CAND2: variants seen among roughly 807,000 people sequenced by gnomAD.
The protein encoded by CAND2 is cullin-associated NEDD8-dissociated protein 2.
In CAND2, 62 loss-of-function variants were observed where a neutral mutation model predicts 98.9. The ratio of observed to expected loss-of-function variants is 0.63; its 90% CI spans 0.51 to 0.77. The LOEUF (loss-of-function observed/expected upper bound fraction) is 0.77, where lower values mean the gene tolerates loss of function less well. Among genes scored for constraint, CAND2 ranks in the 30% least tolerant of loss-of-function variants. The probability of loss-of-function intolerance (pLI) is 0.00; values close to 1 mark genes in which losing one functional copy is unlikely to be tolerated. For missense variants in CAND2, 1,501 were observed against 1,655.2 expected (o/e 0.91, Z 1.62); for synonymous variants, 770 against 731.9 (o/e 1.05, Z -0.84).
chr3:12,801,094 G>T (rs1350280227), intron 1 of CAND2, among the ~76,000 whole-genome samples: 1 of 145,580 alleles, frequency 6.9e-6, no homozygotes, highest in Admixed American at 7.0e-5. Flanking sequence ...CTGGAGTGCA[G>T]TGGCACGATC....
intron 1 of CAND2, among the ~76,000 whole-genome samples, chr3:12,798,575 G>T (rs1380317412): frequency 6.6e-6 from 1 of 152,122 alleles, no homozygotes; most frequent in Non-Finnish European, 1.5e-5. Flanking sequence ...TTTTCCGGAG[G>T]CTTGGAGGAG....
At chr3:12,802,772 C>G (rs2061775714) in intron 1 of CAND2, among the ~76,000 whole-genome samples, 1 of 152,120 alleles carries the variant, frequency 6.6e-6, no homozygotes, top group South Asian at 2.1e-4. Flanking sequence ...TTGTGTGAAC[C>G]TCATAGAGTG....
At chr3:12,825,852 T>A (rs369601916) in intron 12 of CAND2, among the ~76,000 whole-genome samples, 1 of 152,234 alleles carries the variant, frequency 6.6e-6, no homozygotes, top group South Asian at 2.1e-4. Context: ...AGGGTGCTAA[T>A]TGTGTCTGCG....
At chr3:12,821,095 A>G (rs4378945) in intron 11 of CAND2, among the ~76,000 whole-genome samples, 111,037 of 151,706 alleles carry the variant, frequency 0.73, 41,775 homozygotes, top group African/African-American at 0.92. Flanking sequence ...TGAGCCGGGT[A>G]TGATGGCAGG....
intron 13 of CAND2, among the ~76,000 whole-genome samples, chr3:12,828,706 C>T (rs765129703): frequency 3.3e-5 from 5 of 152,170 alleles, no homozygotes; most frequent in Admixed American, 1.3e-4. Context: ...GCGGTGCAGC[C>T]GTCACCACTG....
Position 12,827,730 on chromosome 3 carries a change from GT to G in CAND2, c.3375+130del, listed in dbSNP as rs369607142. ...ACCCAATGAAAATAGCTGCATTGTT[GT>G]TTTCTGATAAGAAAAGGAACCTGTG... On this transcript the variant is annotated intron_variant, in intron 13 of 14. Coordinates refer to ENST00000456430, the MANE Select transcript of CAND2 (RefSeq NM_001162499.2). The G allele has an allele frequency of 1.6e-3, 1,421 of 911,816 alleles. 13 individuals carry two copies. In the African/African-American group the frequency reaches 0.018, roughly 12 times the overall value. The allele number at this position is 911,816 out of a possible 1,614,324, so 56.5% of individuals were successfully genotyped here. A position where few individuals can be genotyped will look rare whatever the true frequency, so the allele number is the denominator to read the frequency against.
At position 12,810,281 on chromosome 3, in the gene CAND2, C is replaced by T. The variant is rs755723576; in HGVS notation, c.714C>T (p.Ile238=). The part of the protein sequence containing the change: ...PTSPTAIRTL[I]QCLGSVGRQA... The stretch of plus-strand genomic sequence containing the variant: ...GCCCGACTGCCATCCGCACCCTGAT[C>T]CAATGTTTGGGCAGCGTCGGCCGCC... The change falls in exon 5 of 15, where the codon ATC becomes ATT. Residue 238 remains isoleucine (I), a synonymous_variant. Coordinates refer to ENST00000456430, the MANE Select transcript of CAND2 (RefSeq NM_001162499.2). The T allele has an allele frequency of 1.1e-5, 17 of 1,494,586 alleles. No individual in the cohort carries two copies. The highest frequency in any genetic ancestry group is 2.2e-5 in the Admixed American group (1 of 45,142). 92.6% of individuals were successfully genotyped at this position (1,494,586 alleles called of 1,614,324 possible). A position where few individuals can be genotyped will look rare whatever the true frequency, so the allele number is the denominator to read the frequency against.
Position 12,815,093 on chromosome 3 carries a change from C to G in CAND2, c.1007-48C>G. ...TGTCCCTTCTCCCCCGAGCCACAGACCTGTCCTGGGAGATGAGGGTTCCAC... is the reference window on the plus strand; with the variant it reads ...TGTCCCTTCTCCCCCGAGCCACAGAGCTGTCCTGGGAGATGAGGGTTCCAC... On this transcript the variant is annotated intron_variant, in intron 7 of 14. Transcript: ENST00000456430. The surrounding 1 kb of genome is among the most constrained non-coding windows in gnomAD (Gnocchi z 5.7). 7 of 1,559,858 alleles carry G rather than the reference C, an allele frequency of 4.5e-6. No homozygotes were observed. Among genetic ancestry groups the G allele is most frequent in the Non-Finnish European group, 5.2e-6 (6 of 1,145,594 alleles).
chr3:12,833,524 A>T (rs182121021), intron 14 of CAND2, among the ~76,000 whole-genome samples: 225 of 152,296 alleles, frequency 1.5e-3, no homozygotes, highest in African/African-American at 5.3e-3. Flanking sequence ...CTCAGGCTGT[A>T]CTCAAGCTGA....
chr3:12,797,182 CCCA>C (rs1207054113), intron 1 of CAND2, among the ~76,000 whole-genome samples: 2 of 148,102 alleles, frequency 1.4e-5, no homozygotes, highest in Non-Finnish European at 3.0e-5. Flanking sequence ...CCCCCCCGCC[CCCA>C]CCACCTTCAG....
rs546530752 is a variant in CAND2 at position 12,816,837 on chromosome 3, G to A, written c.1905G>A (p.Thr635=). Residue 635 remains threonine, a synonymous_variant, in exon 10 of 15, where the codon ACG becomes ACA. Coordinates refer to ENST00000456430, the MANE Select transcript of CAND2 (RefSeq NM_001162499.2). ...GGCTGCCCGCCATCAAGGCGCTTAC[G>A]CTGGTGGCCGTATCCCCACTACAGC... ...ITRLPAIKAL[T]LVAVSPLQLD... 2.0e-5 allele frequency: 33 copies of A among 1,613,762 alleles called. No individual in the cohort carries two copies. The highest frequency in any genetic ancestry group is 3.3e-5 in the Admixed American group (2 of 60,032).
chr3:12,803,749 T>TC, intron 2 of CAND2, 118 bp downstream of exon 2: 1 of 848,006 alleles, frequency 1.2e-6, no homozygotes, highest in African/African-American at 1.7e-5. Context: ...GCAGCTCTCG[T>TC]TGAATGGTAC....
At chr3:12,811,937 T>C (rs2061854589) in intron 5 of CAND2, among the ~76,000 whole-genome samples, 1 of 149,656 alleles carries the variant, frequency 6.7e-6, no homozygotes, top group Non-Finnish European at 1.5e-5. Flanking sequence ...CTGAGTCTCG[T>C]GTCTTGCTCT....
chr3:12,817,008 G>A lies in CAND2; in HGVS notation c.2076G>A (p.Val692=), dbSNP rs760477255. Residue 692 remains valine, a synonymous_variant, in exon 10 of 15, where the codon GTG becomes GTA. Coordinates refer to ENST00000456430, the MANE Select transcript of CAND2 (RefSeq NM_001162499.2). ...SQGLSLPPSA[V]QAVLAELPAL... Reference sequence around the variant, plus strand: ...GCCTCAGCCTCCCACCGTCTGCCGTGCAGGCCGTGCTGGCTGAGCTGCCTG... The same window carrying A: ...GCCTCAGCCTCCCACCGTCTGCCGTACAGGCCGTGCTGGCTGAGCTGCCTG... The A allele has an allele frequency of 6.2e-7, 1 of 1,612,940 alleles. No homozygotes were observed. The highest frequency in any genetic ancestry group is 8.5e-7 in the Non-Finnish European group (1 of 1,179,922).
At chr3:12,833,394 T>A (rs1334058625) in intron 14 of CAND2, among the ~76,000 whole-genome samples, 2 of 152,156 alleles carry the variant, frequency 1.3e-5, no homozygotes, top group Non-Finnish European at 2.9e-5. Flanking sequence ...AGAGCTGGTT[T>A]TAAGCACAGC....
intron 7 of CAND2, among the ~76,000 whole-genome samples, chr3:12,814,394 A>C (rs1383375409): frequency 1.3e-5 from 2 of 152,090 alleles, no homozygotes; most frequent in Non-Finnish European, 2.9e-5. Flanking sequence ...GTGCCCTGAG[A>C]GTCTCACCCG....
chr3:12,826,531 G>A (rs939821311), intron 12 of CAND2, among the ~76,000 whole-genome samples: 2 of 151,330 alleles, frequency 1.3e-5, no homozygotes, highest in Non-Finnish European at 2.9e-5. Flanking sequence ...GGGCTCAAGC[G>A]ATCCTCCCAC....
rs769074929 is a variant in CAND2, at chr3:12,817,849, C to T, written c.2917C>T (p.Pro973Ser). Reference protein sequence around the residue: ...LVLVNPSFLLPRLRKQLAAGR... With the variant: ...LVLVNPSFLLSRLRKQLAAGR... The stretch of plus-strand genomic sequence containing the variant: ...CCTTGTGAACCCTTCGTTCCTTCTG[C>T]CCCGCTTGCGGAAGCAGCTTGCTGC... Residue 973 changes from proline (P) to serine (S), a missense_variant, in exon 10 of 15, where the codon CCC (proline) becomes TCC (serine). Around this residue, in one of 3 missense-constraint regions of CAND2, gnomAD observed 1,427 missense variants for 1,545.3 expected, o/e 0.92. Coordinates refer to ENST00000456430, the MANE Select transcript of CAND2 (RefSeq NM_001162499.2). 3.3e-6 allele frequency: 5 copies of T among 1,507,196 alleles called. No homozygotes were observed. The highest frequency in any genetic ancestry group is 1.4e-5 in the South Asian group (1 of 74,018). The allele number at this position is 1,507,196 out of a possible 1,614,324, so 93.4% of individuals were successfully genotyped here.
At chr3:12,798,081 G>T (rs1016189336) in intron 1 of CAND2, among the ~76,000 whole-genome samples, 8 of 140,508 alleles carry the variant, frequency 5.7e-5, no homozygotes, top group Non-Finnish European at 1.1e-4. Flanking sequence ...ATAAAATGGG[G>T]ATAACAGAAC....
Sources: allele counts gnomAD v4.1 joint callset (sites outside exome capture counted in the v4.1 genomes callset), GRCh38; gene constraint gnomAD v4.1.1; regional missense constraint gnomAD v4.1.1; non-coding constraint Gnocchi (gnomAD v3.1); transcripts MANE v1.5; gene names NCBI Gene and HGNC (gene_info 2026-07-23, HGNC 2026-07-21).